DDC: variants seen among roughly 807,000 people sequenced by gnomAD.
DDC encodes dopa decarboxylase, also known as aromatic-L-amino-acid decarboxylase.
DDC carries 43 observed loss-of-function variants against 60.0 expected under a neutral mutation model. That is an observed-to-expected ratio of 0.72 (90% confidence interval 0.56 to 0.92). The LOEUF (loss-of-function observed/expected upper bound fraction) is 0.92. Among genes scored for constraint, DDC ranks in the 40% least tolerant of loss-of-function variants. The probability of loss-of-function intolerance (pLI) is 0.00; values close to 1 mark genes in which losing one functional copy is unlikely to be tolerated. For missense variants in DDC, 573 were observed against 620.2 expected, an observed-to-expected ratio of 0.92 and a Z score of 0.81; for synonymous variants, 232 against 234.6, an observed-to-expected ratio of 0.99 and a Z score of 0.10.
intron 9 of DDC, among the ~76,000 whole-genome samples, chr7:50,485,398 T>G (rs1386874276): frequency 6.6e-6 from 1 of 152,258 alleles, no homozygotes; most frequent in Non-Finnish European, 1.5e-5. Flanking sequence ...TATTTCAGTA[T>G]TTAAAGAGTA....
intron 3 of DDC, among the ~76,000 whole-genome samples, chr7:50,539,443 T>C (rs1368602538): frequency 6.6e-6 from 1 of 152,078 alleles, no homozygotes; most frequent in Non-Finnish European, 1.5e-5. Flanking sequence ...GCTAGGCCCT[T>C]TTCCAGAGAC....
At chr7:50,477,117 C>G (rs1322271380) in intron 10 of DDC, among the ~76,000 whole-genome samples, 4 of 152,156 alleles carry the variant, frequency 2.6e-5, no homozygotes, top group Non-Finnish European at 5.9e-5. Context: ...AGTTCAGTAT[C>G]TGGGACAGAG....
chr7:50,543,980 C>G lies in DDC; in HGVS notation c.106G>C (p.Gly36Arg). 6.2e-7 allele frequency: 1 copy of G among 1,614,154 alleles called. No homozygotes were observed. Among genetic ancestry groups the G allele is most frequent in the Non-Finnish European group, 8.5e-7 (1 of 1,180,034 alleles). Reference sequence around the variant, plus strand: ...GCAGGGATCAGCGGCCGCAGGTACCCGGGCTCCACGTCAGGGTAGACCTGG... The same window carrying G: ...GCAGGGATCAGCGGCCGCAGGTACCGGGGCTCCACGTCAGGGTAGACCTGG... ...GRQVYPDVEPGYLRPLIPAAA... is the reference protein window; with the variant it reads ...GRQVYPDVEPRYLRPLIPAAA... Residue 36 changes from glycine to arginine, a missense_variant, in exon 2 of 15, where the codon GGG (glycine) becomes CGG (arginine). Transcript: ENST00000444124.
chr7:50,541,068 T>C (rs908896081), intron 2 of DDC, among the ~76,000 whole-genome samples: 1 of 152,228 alleles, frequency 6.6e-6, no homozygotes, highest in Non-Finnish European at 1.5e-5. Flanking sequence ...CCTCAGCCCC[T>C]GTGCATGGAG....
intron 7 of DDC, among the ~76,000 whole-genome samples, chr7:50,501,892 G>A (rs1328875818): frequency 6.6e-6 from 1 of 152,054 alleles, no homozygotes; most frequent in Non-Finnish European, 1.5e-5. Flanking sequence ...TGGCCAATAT[G>A]GTGAAACCCC....
chr7:50,479,248 T>C (rs2042714607), intron 10 of DDC, among the ~76,000 whole-genome samples: 1 of 152,170 alleles, frequency 6.6e-6, no homozygotes, highest in Non-Finnish European at 1.5e-5. Flanking sequence ...GTGCTGAGCC[T>C]CCTTGGCTGT....
At chr7:50,541,557 TAAG>T (rs905224991) in intron 2 of DDC, 6 of 152,158 alleles carry the variant, frequency 3.9e-5, no homozygotes, top group Non-Finnish European at 8.8e-5. Context: ...AGTGCCCTCA[TAAG>T]AAAAGGCAGA....
chr7:50,510,222 A>C (rs944002869), intron 6 of DDC, among the ~76,000 whole-genome samples: 4 of 151,936 alleles, frequency 2.6e-5, no homozygotes, highest in Non-Finnish European at 1.5e-5. Context: ...TGATCCGCCC[A>C]CCTTGGCCTC....
chr7:50,476,581 C>T, intron 11 of DDC, 43 bp downstream of exon 11: 1 of 1,570,562 alleles, frequency 6.4e-7, no homozygotes, highest in Non-Finnish European at 8.8e-7. Flanking sequence ...AGCCCCCCAG[C>T]ACTCCACTAG....
chr7:50,562,499 G>A (rs998530443), intron 1 of DDC, among the ~76,000 whole-genome samples: 3 of 152,252 alleles, frequency 2.0e-5, no homozygotes, highest in East Asian at 1.9e-4. Flanking sequence ...GAGCATTGGA[G>A]GTCTGTGGGA....
At chr7:50,508,306 C>A (rs551928570) in intron 6 of DDC, among the ~76,000 whole-genome samples, 1 of 152,328 alleles carries the variant, frequency 6.6e-6, no homozygotes, top group East Asian at 1.9e-4. Context: ...TGATTCCAGG[C>A]GCTCTGCAGA....
At chr7:50,529,631 G>T in intron 4 of DDC, among the ~76,000 whole-genome samples, 1 of 152,174 alleles carries the variant, frequency 6.6e-6, no homozygotes. Flanking sequence ...TTCTCCTCAT[G>T]GACTGCCCCC....
At chr7:50,498,472 C>G (rs964062172) in intron 8 of DDC, among the ~76,000 whole-genome samples, 7 of 152,222 alleles carry the variant, frequency 4.6e-5, no homozygotes, top group African/African-American at 1.7e-4. Context: ...ACTTCCTACC[C>G]TATGAGCCAC....
intron 4 of DDC, among the ~76,000 whole-genome samples, chr7:50,530,076 C>T (rs2044155315): frequency 6.6e-6 from 1 of 151,868 alleles, no homozygotes; most frequent in African/African-American, 2.4e-5. Context: ...GGGCAACATA[C>T]CGAAACCCTG....
At chr7:50,484,450 G>T (rs1359155061) in intron 9 of DDC, among the ~76,000 whole-genome samples, 1 of 152,088 alleles carries the variant, frequency 6.6e-6, no homozygotes, top group Admixed American at 6.6e-5. Context: ...AAGTTTGGTT[G>T]CATGTTTCTT....
At chr7:50,565,009 C>T (rs1052834477) in intron 1 of DDC, among the ~76,000 whole-genome samples, 3 of 152,166 alleles carry the variant, frequency 2.0e-5, no homozygotes, top group African/African-American at 7.2e-5. Context: ...CACATCTGGC[C>T]CGCATTTGCT....
Position 50,499,412 on chromosome 7 carries a change from A to C in DDC, c.782-170T>G, listed in dbSNP as rs11575390. 3.9e-5 allele frequency among the ~76,000 whole-genome samples: 6 copies of C among 152,272 alleles called. No homozygotes were observed. In the East Asian group the frequency reaches 9.6e-4, roughly 24 times the overall value. ...CCCTCATTCAAAGGGTCTAAAGCTG[A>C]GGGCAGTGTGTGTGCTGCTGGCCCC... On this transcript the variant is annotated intron_variant, in intron 7 of 14. Transcript: ENST00000444124.
At position 50,470,241 on chromosome 7, in the gene DDC, G is replaced by A. The variant is rs918970806; in HGVS notation, c.1042-70C>T. 93 of 1,163,968 alleles carry A rather than the reference G, an allele frequency of 8.0e-5. 1 individual carries two copies. The highest frequency in any genetic ancestry group is 2.2e-4 in the South Asian group (18 of 82,190). 72.1% of individuals were successfully genotyped at this position (1,163,968 alleles called of 1,614,324 possible). ...AAGCTGGCTTCCTTTTCGGCTCACC[G>A]GCTCGCCTATTTCTCTTGGAGGCAG... On this transcript the variant is annotated intron_variant, in intron 11 of 14. Coordinates refer to ENST00000444124, the MANE Select transcript of DDC (RefSeq NM_001082971.2).
intron 6 of DDC, among the ~76,000 whole-genome samples, chr7:50,507,230 C>T (rs2043422379): frequency 6.6e-6 from 1 of 152,126 alleles, no homozygotes; most frequent in South Asian, 2.1e-4. Flanking sequence ...AAACACTAAA[C>T]TAAATGCAAT....
Sources: gnomAD v4.1 joint callset for allele counts (sites outside exome capture counted in the v4.1 genomes callset) on GRCh38, gnomAD v4.1.1 for gene constraint, MANE v1.5 for transcripts, NCBI Gene and HGNC (gene_info 2026-07-23, HGNC 2026-07-21) for gene names.